The following ZFPM1 variants were observed in gnomAD, a reference collection of about 807,000 sequenced individuals.
The protein encoded by ZFPM1 is zinc finger protein, FOG family member 1, also known as zinc finger protein ZFPM1.
In ZFPM1, 28 loss-of-function variants were observed where a neutral mutation model predicts 46.3. That is an observed-to-expected ratio of 0.60 (90% CI 0.45 to 0.83). ZFPM1 has a LOEUF of 0.83. Ranked by LOEUF, ZFPM1 falls within the 40% of genes least tolerant of loss-of-function variation. ZFPM1 has a pLI of 0.00. For synonymous variants in ZFPM1, 957 were observed against 675.9 expected (o/e 1.42, Z -6.45); for missense variants, 1,878 against 1,432.4 (o/e 1.31, Z -5.02).
chr16:88,486,641 G>A (rs1281957156), intron 2 of ZFPM1, among the ~76,000 whole-genome samples: 1 of 150,892 alleles, frequency 6.6e-6, no homozygotes, highest in Admixed American at 6.6e-5. Flanking sequence ...GGTACTAGGT[G>A]CACAGTGGAT....
intron 1 of ZFPM1, 37 bp from the exon 2 acceptor site, chr16:88,485,902 G>C: frequency 6.3e-7 from 1 of 1,594,116 alleles, no homozygotes; most frequent in Non-Finnish European, 8.6e-7. Context: ...TGTCCCCCCA[G>C]AGCTCCTCCC....
Position 88,453,649 on chromosome 16 carries a change from G to A in ZFPM1, c.11G>A (p.Arg4Gln). The A allele has an allele frequency of 8.4e-7, 1 of 1,183,756 alleles. No homozygotes were observed. Among genetic ancestry groups the A allele is most frequent in the Non-Finnish European group, 1.1e-6 (1 of 938,032 alleles). 73.3% of individuals were successfully genotyped at this position (1,183,756 alleles called of 1,614,324 possible). ...CGCGGCGCCGGAGACATGTCCAGGCGGAAACAGAGCAACCCCCGGCAGATC... is the reference window on the plus strand; with the variant it reads ...CGCGGCGCCGGAGACATGTCCAGGCAGAAACAGAGCAACCCCCGGCAGATC... Reference protein sequence around the residue: MSRRKQSNPRQIKR... With the variant: MSRQKQSNPRQIKR... Residue 4 changes from arginine (R) to glutamine (Q), a missense_variant, in exon 1 of 10, where the codon CGG becomes CAG. Arg to Gln is a conservative substitution (Grantham distance 43, BLOSUM62 1). Transcript: ENST00000319555.
intron 3 of ZFPM1, among the ~76,000 whole-genome samples, chr16:88,501,736 GGTGCCGGGCCCTCCCGCTGGTGC>G (rs1910350389): frequency 6.8e-6 from 1 of 147,012 alleles, no homozygotes; most frequent in African/African-American, 2.7e-5. Flanking sequence ...AACGGGTGTG[GGTGCCGGGCCCTCCCGCTGGTGC>G]TGATGATAAT....
At chr16:88,515,579 C>G (rs980187208) in intron 4 of ZFPM1, among the ~76,000 whole-genome samples, 5 of 152,246 alleles carry the variant, frequency 3.3e-5, no homozygotes, top group Non-Finnish European at 7.3e-5. Context: ...GCCAGGGCAG[C>G]TGGGCGGGTC....
rs1391606624 is a variant in ZFPM1 at position 88,534,777 on chromosome 16, C to T, written c.2819C>T (p.Pro940Leu). 1.6e-6 allele frequency: 2 copies of T among 1,251,266 alleles called. No homozygotes were observed. Among genetic ancestry groups the T allele is most frequent in the East Asian group, 6.7e-5 (2 of 29,940 alleles). The allele number at this position is 1,251,266 out of a possible 1,614,324, so 77.5% of individuals were successfully genotyped here. A position where few individuals can be genotyped will look rare whatever the true frequency, so the allele number is the denominator to read the frequency against. The change falls in exon 10 of 10, where the codon CCC (proline) becomes CTC (leucine). Residue 940 changes from proline to leucine, a missense_variant. Coordinates refer to ENST00000319555, the MANE Select transcript of ZFPM1 (RefSeq NM_153813.3). ...PGPPPSPAAA[P>L]EAVPPPPAPP... ...CCGCCCCCGTCCCCGGCCGCCGCGC[C>T]CGAGGCCGTGCCGCCCCCGCCGGCG...
chr16:88,475,556 G>A (rs1167611117), intron 1 of ZFPM1, among the ~76,000 whole-genome samples: 1 of 152,152 alleles, frequency 6.6e-6, no homozygotes, highest in Non-Finnish European at 1.5e-5. Flanking sequence ...AGGAGGAGGG[G>A]AGAGCGAGCT....
chr16:88,531,309 C>T (rs902955004), intron 6 of ZFPM1, among the ~76,000 whole-genome samples: 1 of 152,174 alleles, frequency 6.6e-6, no homozygotes, highest in African/African-American at 2.4e-5. Context: ...AGAAGTCCTC[C>T]CCTGCTGGCA....
chr16:88,522,752 C>T (rs561006240), intron 4 of ZFPM1, among the ~76,000 whole-genome samples: 11 of 152,256 alleles, frequency 7.2e-5, no homozygotes, highest in African/African-American at 1.9e-4. Flanking sequence ...CCCCAAGGGG[C>T]GGCAAACAGG....
chr16:88,463,489 G>C (rs1003580453), intron 1 of ZFPM1, among the ~76,000 whole-genome samples: 1 of 152,274 alleles, frequency 6.6e-6, no homozygotes, highest in Non-Finnish European at 1.5e-5. Flanking sequence ...CACCTACTGG[G>C]CATTTACTAG....
intron 1 of ZFPM1, among the ~76,000 whole-genome samples, chr16:88,460,160 G>C (rs7206518): frequency 0.46 from 69,638 of 151,932 alleles, 16,157 homozygotes; most frequent in East Asian, 0.54. Flanking sequence ...GCCTGTGCCT[G>C]TCCACCTCCC....
chr16:88,497,821 C>CG lies in ZFPM1; in HGVS notation c.268+8671dup, dbSNP rs1910021152. Reference sequence around the variant, plus strand: ...TCCTCACCCGAGTGTGTGAGGGCGTCGGGCTGGTTATCTGGGCCGAGCTCC... The same window carrying CG: ...TCCTCACCCGAGTGTGTGAGGGCGTCGGGGCTGGTTATCTGGGCCGAGCTCC... On this transcript the variant is annotated intron_variant, in intron 3 of 9. Transcript: ENST00000319555. This position sits in a 1 kb window ranked among gnomAD's most constrained non-coding sequence, Gnocchi z 5.4. Among the ~76,000 whole-genome samples, 1 of 152,172 alleles carries CG rather than the reference C, an allele frequency of 6.6e-6. No individual in the cohort carries two copies. The highest frequency in any genetic ancestry group is 2.4e-5 in the African/African-American group (1 of 41,454).
intron 3 of ZFPM1, among the ~76,000 whole-genome samples, chr16:88,511,690 A>G (rs1194565224): frequency 1.3e-5 from 2 of 152,152 alleles, no homozygotes; most frequent in South Asian, 4.1e-4. Flanking sequence ...AGGGCTGGAA[A>G]TAGGTTATGT....
chr16:88,501,643 GCCATCGC>G lies in ZFPM1; in HGVS notation c.268+12491_268+12497del, dbSNP rs1381801283. ...GGAGATAGTGGGCCTGGGTGCGTGG[GCCATCGC>G]GCAGGTGCTGGTGATGATAGAGATA... On this transcript the variant is annotated intron_variant, in intron 3 of 9. Coordinates refer to ENST00000319555, the MANE Select transcript of ZFPM1 (RefSeq NM_153813.3). 1.9e-3 allele frequency among the ~76,000 whole-genome samples: 234 copies of G among 122,652 alleles called. 13 individuals are homozygous for G. The highest frequency in any genetic ancestry group is 3.0e-3 in the Non-Finnish European group (174 of 58,304). The allele number at this position is 122,652 out of a possible 152,430, so 80.5% of individuals were successfully genotyped here. A position where few individuals can be genotyped will look rare whatever the true frequency, so the allele number is the denominator to read the frequency against.
intron 1 of ZFPM1, among the ~76,000 whole-genome samples, chr16:88,459,590 C>T (rs1314851197): frequency 5.6e-5 from 7 of 124,302 alleles, no homozygotes; most frequent in Non-Finnish European, 1.0e-4. Context: ...CCTCCTCCCC[C>T]TCCTCCTCTT....
At position 88,532,599 on chromosome 16, in the gene ZFPM1, C is replaced by G. The variant is rs756982246; in HGVS notation, c.947-15C>G. 7 of 1,554,536 alleles carry G rather than the reference C, an allele frequency of 4.5e-6. No individual in the cohort carries two copies. In the Admixed American group the frequency reaches 1.4e-4, roughly 30 times the overall value. On this transcript the variant is annotated splice_polypyrimidine_tract_variant and intron_variant, in intron 7 of 9. Transcript: ENST00000319555. ...AGCTGGCCCGGGCACCGCTCTTACG[C>G]GCCCTGTGTTCCAGGAGAGCGGCCC... is the stretch of plus-strand genomic sequence containing the variant.
chr16:88,472,952 G>A (rs958337899), intron 1 of ZFPM1, among the ~76,000 whole-genome samples: 1 of 152,246 alleles, frequency 6.6e-6, no homozygotes, highest in Non-Finnish European at 1.5e-5. Context: ...GAGCTCTAGC[G>A]CCCCACAAGC....
At chr16:88,507,593 C>T (rs1319604948) in intron 3 of ZFPM1, among the ~76,000 whole-genome samples, 1 of 152,206 alleles carries the variant, frequency 6.6e-6, no homozygotes, top group Non-Finnish European at 1.5e-5. Flanking sequence ...AGCCACTGTC[C>T]ATAGCCTGGG....
rs950477173 is a variant in ZFPM1 at position 88,536,036 on chromosome 16, G to T, written c.*1057G>T. On this transcript the variant is annotated 3_prime_UTR_variant, in exon 10 of 10. Coordinates refer to ENST00000319555, the MANE Select transcript of ZFPM1 (RefSeq NM_153813.3). ...CCTGGGATACTCACGGCTCATTGCA[G>T]CCTTGACCTCGTGAGCTCAAGTGAT... 3.3e-5 allele frequency: 5 copies of T among 152,100 alleles called. No individual in the cohort carries two copies. The highest frequency in any genetic ancestry group is 2.1e-4 in the South Asian group (1 of 4,824). 9.4% of individuals were successfully genotyped at this position (152,100 alleles called of 1,614,324 possible). A position where few individuals can be genotyped will look rare whatever the true frequency, so the allele number is the denominator to read the frequency against.
chr16:88,514,425 A>C lies in ZFPM1; in HGVS notation c.307A>C (p.Ile103Leu). Residue 103 changes from isoleucine to leucine, a missense_variant, in exon 4 of 10, where the codon ATA becomes CTA. Physicochemically the swap from Ile to Leu is conservative, Grantham distance 5. Transcript: ENST00000319555. ...EPVVQDGQRRIRARLSLATGL... is the reference protein window; with the variant it reads ...EPVVQDGQRRLRARLSLATGL... ...GGTGGTGCAGGATGGGCAGAGGCGCATACGGGCCCGACTCAGCCTCGCCAC... is the reference window on the plus strand; with the variant it reads ...GGTGGTGCAGGATGGGCAGAGGCGCCTACGGGCCCGACTCAGCCTCGCCAC... 3 of 1,560,608 alleles carry C rather than the reference A, an allele frequency of 1.9e-6. No individual in the cohort carries two copies. In the African/African-American group the frequency reaches 4.1e-5, roughly 21 times the overall value.
Sources: gnomAD v4.1 joint callset for allele counts (sites outside exome capture counted in the v4.1 genomes callset) on GRCh38, gnomAD v4.1.1 for gene constraint, Gnocchi (gnomAD v3.1) non-coding constraint, MANE v1.5 for transcripts, NCBI Gene and HGNC (gene_info 2026-07-23, HGNC 2026-07-21) for gene names.